Variants in C12orf42 observed in about 807,000 individuals in gnomAD.
C12orf42 encodes the protein chromosome 12 open reading frame 42.
C12orf42 carries 25 observed loss-of-function variants against 21.6 expected under a neutral mutation model. That is an observed-to-expected ratio of 1.16 (90% confidence interval 0.84 to 1.62). C12orf42 has a LOEUF of 1.62. Ranked by LOEUF, C12orf42 falls within the 40% of genes most tolerant of loss-of-function variation. The probability of loss-of-function intolerance (pLI) is 0.00; values close to 1 mark genes in which losing one functional copy is unlikely to be tolerated. For missense variants in C12orf42, 483 were observed against 459.3 expected (o/e 1.05, Z -0.47); for synonymous variants, 174 against 175.0 (o/e 0.99, Z 0.05).
At chr12:103,146,551 TAAAGAAAGA>T in the C12orf42 span, among the ~76,000 whole-genome samples, 9 of 39,360 alleles carry the variant, frequency 2.3e-4, no homozygotes, top group African/African-American at 6.6e-4. Flanking sequence ...GAAAGAGAAA[TAAAGAAAGA>T]AAAGAAAGAA....
intron 1 of C12orf42, among the ~76,000 whole-genome samples, chr12:103,487,018 T>C (rs992920751): frequency 1.3e-5 from 2 of 152,220 alleles, no homozygotes; most frequent in Non-Finnish European, 2.9e-5. Flanking sequence ...TATTTGCTCT[T>C]GCTTTTCTAG....
chr12:103,473,710 A>T (rs1361440317), intron 2 of C12orf42, among the ~76,000 whole-genome samples: 1 of 152,204 alleles, frequency 6.6e-6, no homozygotes, highest in African/African-American at 2.4e-5. Context: ...TCTTGAAAAC[A>T]TAGAGTTGGT....
chr12:103,466,592 A>G (rs549170252), intron 2 of C12orf42, among the ~76,000 whole-genome samples: 1 of 151,576 alleles, frequency 6.6e-6, no homozygotes, highest in Non-Finnish European at 1.5e-5. Flanking sequence ...TCTCCTCTCC[A>G]TCTTCCTCTC....
the C12orf42 span, among the ~76,000 whole-genome samples, chr12:103,094,886 G>A: frequency 6.6e-6 from 1 of 152,136 alleles, no homozygotes; most frequent in East Asian, 1.9e-4. Context: ...GTAGTGTTGA[G>A]TATAAAAGGT....
intron 2 of C12orf42, among the ~76,000 whole-genome samples, chr12:103,435,603 T>C (rs1834307342): frequency 6.6e-6 from 1 of 151,878 alleles, no homozygotes; most frequent in Admixed American, 6.6e-5. Context: ...ACATGAAGAA[T>C]GCAAAAGCCT....
chr12:103,225,563 T>C, the C12orf42 span, among the ~76,000 whole-genome samples: 1 of 151,618 alleles, frequency 6.6e-6, no homozygotes, highest in Non-Finnish European at 1.5e-5. Context: ...AAAGGAGGCT[T>C]TGGATTGGGA....
At chr12:103,216,562 T>C in the C12orf42 span, among the ~76,000 whole-genome samples, 179 of 151,964 alleles carry the variant, frequency 1.2e-3, no homozygotes, top group African/African-American at 4.3e-3. Context: ...ATTTTTTTAG[T>C]AGAGATGGGG....
At chr12:103,264,472 C>A (rs1380821110), downstream of C12orf42, among the ~76,000 whole-genome samples, 1 of 152,120 alleles carries the variant, frequency 6.6e-6, no homozygotes, top group Non-Finnish European at 1.5e-5. Flanking sequence ...CCCTATGGAC[C>A]TTGGCATCTG....
chr12:103,174,251 T>C, the C12orf42 span, among the ~76,000 whole-genome samples: 1 of 152,202 alleles, frequency 6.6e-6, no homozygotes, highest in Admixed American at 6.5e-5. Context: ...ACACAACCTA[T>C]GGCAGAGCCC....
chr12:103,420,867 G>T (rs1416797902), intron 2 of C12orf42, among the ~76,000 whole-genome samples: 1 of 152,124 alleles, frequency 6.6e-6, no homozygotes, highest in Non-Finnish European at 1.5e-5. Flanking sequence ...ACGACCATTG[G>T]ATTATTTGTG....
chr12:103,560,936 C>T, the C12orf42 span, among the ~76,000 whole-genome samples: 1 of 152,200 alleles, frequency 6.6e-6, no homozygotes, highest in Non-Finnish European at 1.5e-5. Context: ...TGGGAGTCAT[C>T]CTTCTCCCTC....
chr12:103,105,471 T>C, the C12orf42 span, among the ~76,000 whole-genome samples: 3 of 151,848 alleles, frequency 2.0e-5, no homozygotes, highest in Non-Finnish European at 2.9e-5. Flanking sequence ...AACATAAATA[T>C]GGAAACAATA....
At chr12:103,384,807 A>G (rs1281180866) in intron 3 of C12orf42, among the ~76,000 whole-genome samples, 1 of 152,230 alleles carries the variant, frequency 6.6e-6, no homozygotes, top group Admixed American at 6.5e-5. Context: ...AATTCAAACA[A>G]TTAGAGCCTC....
chr12:103,300,169 G>C (rs1418533471), downstream of C12orf42, among the ~76,000 whole-genome samples: 4 of 152,160 alleles, frequency 2.6e-5, no homozygotes, highest in Non-Finnish European at 4.4e-5. Flanking sequence ...GTACTGATAA[G>C]TTTTTTTCAA....
chr12:103,100,645 A>T, the C12orf42 span, among the ~76,000 whole-genome samples: 1 of 152,118 alleles, frequency 6.6e-6, no homozygotes, highest in African/African-American at 2.4e-5. Flanking sequence ...TCAAATTTAA[A>T]CAGAGTTGAC....
the C12orf42 span, among the ~76,000 whole-genome samples, chr12:103,546,094 A>T: frequency 3.3e-5 from 5 of 152,150 alleles, no homozygotes; most frequent in East Asian, 9.6e-4. Context: ...TCCTAGGGAG[A>T]TCTGATTAGT....
chr12:103,229,573 A>C, the C12orf42 span, among the ~76,000 whole-genome samples: 1 of 152,208 alleles, frequency 6.6e-6, no homozygotes, highest in African/African-American at 2.4e-5. Context: ...ATAAGATTTA[A>C]ATATATTAAT....
In C12orf42 at chr12:103,302,450, C is replaced by T. The variant is rs1299316132; in HGVS notation, c.741G>A (p.Arg247=). The change falls in exon 6 of 6, where the codon AGG becomes AGA. Residue 247 remains arginine (R), a synonymous_variant. Transcript: ENST00000548883. ...CCTGAGCGCCTGCTGGGACTGCCAT[C>T]CTCTCCTCCGGCTCGAGCTCTGTGT... ...PSNTELEPEE[R]MAVPAGAQAH... 3 of 1,613,844 alleles carry T rather than the reference C, an allele frequency of 1.9e-6. No homozygotes were observed. Among genetic ancestry groups the T allele is most frequent in the Non-Finnish European group, 1.7e-6 (2 of 1,179,868 alleles).
chr12:103,268,630 G>A (rs2035289807), exon 7 of C12orf42: 1 of 152,022 alleles, frequency 6.6e-6, no homozygotes, highest in South Asian at 2.1e-4. Context: ...TGAGGACTTG[G>A]TATTGATTTT....
Sources: allele counts gnomAD v4.1 joint callset (sites outside exome capture counted in the v4.1 genomes callset), GRCh38; gene constraint gnomAD v4.1.1; transcripts MANE v1.5; gene names NCBI Gene and HGNC (gene_info 2026-07-23, HGNC 2026-07-21).